ADD3: variants seen among roughly 807,000 people sequenced by gnomAD.
ADD3 encodes adducin 3.
In ADD3, 25 loss-of-function variants were observed where a neutral mutation model predicts 80.2. The observed-to-expected ratio is 0.31, with a 90% CI of 0.23 to 0.44. The LOEUF (loss-of-function observed/expected upper bound fraction) is 0.44. Among genes scored for constraint, ADD3 ranks in the 20% least tolerant of loss-of-function variants. The probability of loss-of-function intolerance (pLI) is 1.00; values close to 1 mark genes in which losing one functional copy is unlikely to be tolerated. For synonymous variants in ADD3, 284 were observed against 289.6 expected, an observed-to-expected ratio of 0.98 and a Z score of 0.20; for missense variants, 829 against 847.5, an observed-to-expected ratio of 0.98 and a Z score of 0.27.
chr10:110,111,904 A>G (rs1554953971), intron 2 of ADD3, among the ~76,000 whole-genome samples: 1 of 147,504 alleles, frequency 6.8e-6, no homozygotes, highest in Non-Finnish European at 1.5e-5. Context: ...CAAGAGCGAA[A>G]CTCTGTCTCA....
At chr10:110,019,944 C>G (rs1853475520) in intron 1 of ADD3, among the ~76,000 whole-genome samples, 1 of 152,204 alleles carries the variant, frequency 6.6e-6, no homozygotes, top group African/African-American at 2.4e-5. Context: ...GTTGTCAGCT[C>G]TTCGGAAGCT....
upstream of ADD3, among the ~76,000 whole-genome samples, chr10:110,002,845 G>A (rs572861064): frequency 1.5e-3 from 223 of 152,286 alleles, no homozygotes; most frequent in African/African-American, 4.6e-3. Flanking sequence ...TTTAGCTGAG[G>A]TTAATTCCTT....
chr10:110,093,497 C>T (rs1019068556), intron 1 of ADD3, among the ~76,000 whole-genome samples: 4 of 152,142 alleles, frequency 2.6e-5, no homozygotes, highest in African/African-American at 9.6e-5. Context: ...CAGTCAATGT[C>T]ATTTTGTTAA....
intron 1 of ADD3, among the ~76,000 whole-genome samples, chr10:110,067,294 T>C (rs569436459): frequency 2.0e-5 from 3 of 152,364 alleles, no homozygotes; most frequent in Admixed American, 6.5e-5. Flanking sequence ...TCTAAAATTA[T>C]TTCTGTAGTT....
intron 1 of ADD3, among the ~76,000 whole-genome samples, chr10:110,022,961 C>G (rs1212528942): frequency 6.6e-6 from 1 of 152,132 alleles, no homozygotes; most frequent in Non-Finnish European, 1.5e-5. Flanking sequence ...AGGACCAGAT[C>G]ATGCAGGCCC....
intron 2 of ADD3, among the ~76,000 whole-genome samples, chr10:110,105,755 T>C (rs927518231): frequency 6.6e-6 from 1 of 152,196 alleles, no homozygotes; most frequent in Non-Finnish European, 1.5e-5. Context: ...CATTTTAGGA[T>C]ATCACTGGAA....
chr10:110,040,976 C>G (rs1202243516), intron 1 of ADD3, among the ~76,000 whole-genome samples: 1 of 151,930 alleles, frequency 6.6e-6, no homozygotes, highest in Non-Finnish European at 1.5e-5. Context: ...CTCTCTCTCT[C>G]TCTCTCTCTC....
At position 110,100,815 on chromosome 10, in the gene ADD3, G is replaced by C. The variant is rs372253017; in HGVS notation, c.162G>C (p.Gln54His). The change falls in exon 2 of 15, where the codon CAG (glutamine) becomes CAC (histidine). Residue 54 changes from glutamine (Q) to histidine (H), a missense_variant. Transcript: ENST00000356080. ...DLRQDFNMME[Q>H]RKRVTQILQS... Reference sequence around the variant, plus strand: ...GACAAGACTTCAACATGATGGAGCAGAGGAAACGAGTTACTCAGATCCTGC... The same window carrying C: ...GACAAGACTTCAACATGATGGAGCACAGGAAACGAGTTACTCAGATCCTGC... 1 of 1,611,022 alleles carries C rather than the reference G, an allele frequency of 6.2e-7. No homozygotes were observed. The highest frequency in any genetic ancestry group is 8.5e-7 in the Non-Finnish European group (1 of 1,178,806).
chr10:110,124,818 AC>A (rs1851940960), intron 10 of ADD3, among the ~76,000 whole-genome samples: 1 of 152,222 alleles, frequency 6.6e-6, no homozygotes, highest in African/African-American at 2.4e-5. Context: ...TGGAGTGCAT[AC>A]CACCAAACAT....
chr10:110,070,747 G>T (rs961531334), intron 1 of ADD3, among the ~76,000 whole-genome samples: 3 of 152,036 alleles, frequency 2.0e-5, no homozygotes, highest in African/African-American at 7.2e-5. Flanking sequence ...ATAAAGATTG[G>T]GGGGTAGGGG....
chr10:110,064,306 G>T (rs1328307909), intron 1 of ADD3, among the ~76,000 whole-genome samples: 1 of 152,112 alleles, frequency 6.6e-6, no homozygotes, highest in Non-Finnish European at 1.5e-5. Flanking sequence ...TCCAACTTTT[G>T]CAGGTAAGGC....
chr10:110,122,178 T>G lies in ADD3; in HGVS notation c.1029T>G (p.Ala343=). 6.2e-7 allele frequency: 1 copy of G among 1,614,122 alleles called. No individual in the cohort carries two copies. Among genetic ancestry groups the G allele is most frequent in the Non-Finnish European group, 8.5e-7 (1 of 1,179,962 alleles). Residue 343 remains alanine (A), a synonymous_variant, in exon 9 of 15, where the codon GCT becomes GCG. Transcript: ENST00000356080. ...LHVLDFQKYK[A]FTYTVAASGG... ...TACTGGACTTTCAGAAGTATAAAGC[T>G]TTCACTTACACTGTAGCAGCGTCTG...
chr10:110,123,876 T>C (rs1851818524), intron 9 of ADD3, 141 bp from the exon 10 acceptor site: 7 of 795,168 alleles, frequency 8.8e-6, no homozygotes, highest in South Asian at 5.4e-5. Flanking sequence ...ATGAAAGTTA[T>C]GTGGTGTTTG....
intron 1 of ADD3, chr10:110,077,264 A>G (rs1389466223): frequency 1.3e-5 from 2 of 151,722 alleles, no homozygotes; most frequent in Admixed American, 1.3e-4. Flanking sequence ...TCACTCCACT[A>G]AGTTTTTTTT....
At position 110,063,736 on chromosome 10, in the gene ADD3, ATTATATAT is replaced by A. The variant is rs1296944982; in HGVS notation, c.-29-36888_-29-36881del. On this transcript the variant is annotated intron_variant, in intron 1 of 14. Transcript: ENST00000356080. Reference sequence around the variant, plus strand: ...TTGATGAATATGAATATATATATTCATTATATATATATATATATATATATATATATATA... The same window carrying A: ...TTGATGAATATGAATATATATATTCAATATATATATATATATATATATATA... Among the ~76,000 whole-genome samples the A allele has an allele frequency of 3.5e-4, 16 of 45,812 alleles. 1 individual carries two copies. Among genetic ancestry groups the A allele is most frequent in the African/African-American group, 1.3e-3 (16 of 12,440 alleles). 30.1% of individuals were successfully genotyped at this position (45,812 alleles called of 152,430 possible). A position where few individuals can be genotyped will look rare whatever the true frequency, so the allele number is the denominator to read the frequency against.
chr10:110,036,302 T>G (rs1855634814), intron 1 of ADD3, among the ~76,000 whole-genome samples: 2 of 152,108 alleles, frequency 1.3e-5, no homozygotes, highest in Non-Finnish European at 2.9e-5. Flanking sequence ...TCTTTACCAG[T>G]TTTGGAATTG....
intron 1 of ADD3, among the ~76,000 whole-genome samples, chr10:110,088,949 G>A (rs189026895): frequency 1.3e-5 from 2 of 152,100 alleles, no homozygotes; most frequent in African/African-American, 4.8e-5. Flanking sequence ...TGCAGACTCA[G>A]CTCATTTTTA....
intron 1 of ADD3, among the ~76,000 whole-genome samples, chr10:110,072,495 A>G (rs1367533086): frequency 6.6e-6 from 1 of 152,188 alleles, no homozygotes; most frequent in Non-Finnish European, 1.5e-5. Context: ...AAGGAGTGCT[A>G]TGTTGGAAGT....
intron 2 of ADD3, among the ~76,000 whole-genome samples, chr10:110,108,236 A>C (rs1049049240): frequency 2.0e-5 from 3 of 152,112 alleles, no homozygotes; most frequent in Non-Finnish European, 4.4e-5. Flanking sequence ...GTATATATAT[A>C]TATATTTTTG....
Sources: allele counts gnomAD v4.1 joint callset (sites outside exome capture counted in the v4.1 genomes callset), GRCh38; gene constraint gnomAD v4.1.1; transcripts MANE v1.5; gene names NCBI Gene and HGNC (gene_info 2026-07-23, HGNC 2026-07-21).